The following LHFPL4 variants were observed in gnomAD, a reference collection of about 807,000 sequenced individuals.
LHFPL4 encodes LHFPL tetraspan subfamily member 4, also known as LHFPL tetraspan subfamily member 4 protein.
Under a neutral mutation model 20.0 loss-of-function variants are expected in LHFPL4, and 6 were observed. That is an observed-to-expected ratio of 0.30 (90% CI 0.16 to 0.59). LHFPL4 has a LOEUF of 0.59. LHFPL4 is among the 20% of genes least tolerant of loss of function. The probability of loss-of-function intolerance (pLI) is 0.88; values close to 1 mark genes in which losing one functional copy is unlikely to be tolerated. For missense variants in LHFPL4, 215 were observed against 331.2 expected (o/e 0.65, Z 2.72); for synonymous variants, 129 against 143.8 (o/e 0.90, Z 0.74).
At chr3:9,522,956 G>C (rs1261093741) in intron 2 of LHFPL4, among the ~76,000 whole-genome samples, 5 of 149,600 alleles carry the variant, frequency 3.3e-5, no homozygotes, top group Admixed American at 2.0e-4. Context: ...CAGGAGAATG[G>C]TGTGAACCAG....
rs530804164 is a variant in LHFPL4, at chr3:9,525,158, T to C, written c.407-18955A>G. ...TGGCATACATCAGAATTGTTCCTTT[T>C]TCCCTGCTCTTGCCAGAACCATGAG... On this transcript the variant is annotated intron_variant, in intron 2 of 3. Coordinates refer to ENST00000287585, the MANE Select transcript of LHFPL4 (RefSeq NM_198560.3). Among the ~76,000 whole-genome samples, 9 of 152,194 alleles carry C rather than the reference T, an allele frequency of 5.9e-5. No homozygotes were observed. The South Asian group carries it at 1.0e-3, about 17-fold the overall frequency.
At position 9,526,555 on chromosome 3, in the gene LHFPL4, T is replaced by C. The variant is rs530563569; in HGVS notation, c.407-20352A>G. The stretch of plus-strand genomic sequence containing the variant: ...CTTCAAGCATCTCTTAAAATGATGG[T>C]GAATGTAATGAGTTTAATTGCGTTC... On this transcript the variant is annotated intron_variant, in intron 2 of 3. Transcript: ENST00000287585. Among the ~76,000 whole-genome samples, 14 of 152,270 alleles carry C rather than the reference T, an allele frequency of 9.2e-5. No homozygotes were observed. The South Asian group carries it at 2.1e-3, about 23-fold the overall frequency.
At chr3:9,522,753 A>AT (rs963575968) in intron 2 of LHFPL4, among the ~76,000 whole-genome samples, 1 of 151,354 alleles carries the variant, frequency 6.6e-6, no homozygotes, top group African/African-American at 2.4e-5. Context: ...CAAAAAAAAA[A>AT]GAAAAAGGCC....
At chr3:9,527,134 A>G (rs1167627499) in intron 2 of LHFPL4, among the ~76,000 whole-genome samples, 1 of 152,024 alleles carries the variant, frequency 6.6e-6, no homozygotes, top group East Asian at 1.9e-4. Flanking sequence ...GTAAATGTGC[A>G]GAAAAAGATC....
At chr3:9,522,700 G>A (rs1427232377) in intron 2 of LHFPL4, among the ~76,000 whole-genome samples, 4 of 151,060 alleles carry the variant, frequency 2.6e-5, no homozygotes, top group Non-Finnish European at 5.9e-5. Flanking sequence ...CCGAGATTGT[G>A]CCATTGCACT....
intron 2 of LHFPL4, among the ~76,000 whole-genome samples, chr3:9,518,486 A>AC (rs1161517749): frequency 3.9e-5 from 6 of 152,126 alleles, no homozygotes; most frequent in Non-Finnish European, 8.8e-5. Context: ...GAATTCTTGT[A>AC]ATTTCTTCCT....
At chr3:9,526,499 G>A (rs991316737) in intron 2 of LHFPL4, among the ~76,000 whole-genome samples, 2 of 152,178 alleles carry the variant, frequency 1.3e-5, no homozygotes, top group Admixed American at 6.5e-5. Flanking sequence ...GTAGTCGGCT[G>A]TGGTCTAACA....
intron 2 of LHFPL4, among the ~76,000 whole-genome samples, chr3:9,541,540 G>A (rs1426465700): frequency 2.0e-5 from 3 of 152,142 alleles, no homozygotes; most frequent in Non-Finnish European, 4.4e-5. Flanking sequence ...GGGAGGCCAA[G>A]GCGGGTGGAT....
chr3:9,539,389 A>G (rs1415863420), intron 2 of LHFPL4, among the ~76,000 whole-genome samples: 1 of 147,724 alleles, frequency 6.8e-6, no homozygotes, highest in African/African-American at 2.5e-5. Context: ...CAGGAGGTGG[A>G]GCTTGCAATG....
At chr3:9,539,618 T>TGA (rs5846641) in intron 2 of LHFPL4, among the ~76,000 whole-genome samples, 1 of 151,760 alleles carries the variant, frequency 6.6e-6, no homozygotes, top group Admixed American at 6.6e-5. Flanking sequence ...AAGAGGGAAT[T>TGA]TGCTTATAGT....
chr3:9,523,988 C>A (rs138404062), intron 2 of LHFPL4, among the ~76,000 whole-genome samples: 15 of 139,538 alleles, frequency 1.1e-4, no homozygotes, highest in African/African-American at 3.7e-4. Flanking sequence ...GTATTTCCCC[C>A]CCCCCCAACA....
chr3:9,524,158 T>C (rs1182177170), intron 2 of LHFPL4, among the ~76,000 whole-genome samples: 1 of 152,112 alleles, frequency 6.6e-6, no homozygotes, highest in Non-Finnish European at 1.5e-5. Flanking sequence ...TTTTTCATTA[T>C]GCTTGATTTT....
intron 2 of LHFPL4, among the ~76,000 whole-genome samples, chr3:9,509,684 G>C (rs1280688911): frequency 1.3e-5 from 2 of 152,262 alleles, no homozygotes; most frequent in African/African-American, 4.8e-5. Flanking sequence ...CAGGGTTTCA[G>C]ATGGTGGCTG....
At chr3:9,522,466 G>T (rs2454463) in intron 2 of LHFPL4, among the ~76,000 whole-genome samples, 1 of 151,562 alleles carries the variant, frequency 6.6e-6, no homozygotes, top group Non-Finnish European at 1.5e-5. Flanking sequence ...TTGGCTGGGC[G>T]TGGTGGCTCA....
chr3:9,508,262 C>G (rs561833509), intron 2 of LHFPL4, among the ~76,000 whole-genome samples: 1 of 152,170 alleles, frequency 6.6e-6, no homozygotes, highest in Non-Finnish European at 1.5e-5. Context: ...AGTCCTCCTC[C>G]TCTCCCCAAC....
chr3:9,532,408 A>G (rs1299481949), intron 2 of LHFPL4, among the ~76,000 whole-genome samples: 3 of 151,986 alleles, frequency 2.0e-5, no homozygotes, highest in African/African-American at 4.8e-5. Context: ...TGGTGTGATC[A>G]TAGCTCACTG....
rs574431292 is a variant in LHFPL4 at position 9,516,781 on chromosome 3, CTTTT to C, written c.407-10582_407-10579del. 7.1e-3 allele frequency among the ~76,000 whole-genome samples: 796 copies of C among 111,844 alleles called. 10 individuals are homozygous for C. The highest frequency in any genetic ancestry group is 0.07 in the South Asian group (232 of 3,316). The allele number at this position is 111,844 out of a possible 152,430, so 73.4% of individuals were successfully genotyped here. On this transcript the variant is annotated intron_variant, in intron 2 of 3. Transcript: ENST00000287585. ...GAGCCATTGCGCCCAGCCACACAATCTTTTTTTTTTTTTTTTTTTTTGAGATGGG... is the reference window on the plus strand; with the variant it reads ...GAGCCATTGCGCCCAGCCACACAATCTTTTTTTTTTTTTTTTTGAGATGGG...
chr3:9,525,648 A>C (rs2046369561), intron 2 of LHFPL4, among the ~76,000 whole-genome samples: 1 of 152,224 alleles, frequency 6.6e-6, no homozygotes, highest in Admixed American at 6.5e-5. Context: ...AATGCATTGC[A>C]ACAATGAGAA....
rs771341752 is a variant in LHFPL4, at chr3:9,552,478, T to C, written c.202A>G (p.Ser68Gly). The change falls in exon 2 of 4, where the codon AGC becomes GGC. Residue 68 changes from serine to glycine, a missense_variant. This residue lies in a region of LHFPL4 where 164 missense variants were observed against 286.7 expected (regional missense o/e 0.57). Transcript: ENST00000287585. ...YFGLFHYCVG[S>G]GLAGRELTCR... ...GTGAGCTCGCGGCCCGCCAGCCCGC[T>C]GCCCACGCAGTAGTGGAAGAGGCCG... 4 of 1,613,172 alleles carry C rather than the reference T, an allele frequency of 2.5e-6. No homozygotes were observed. Among genetic ancestry groups the C allele is most frequent in the Middle Eastern group, 1.7e-4 (1 of 6,058 alleles).
Sources: allele counts gnomAD v4.1 joint callset (sites outside exome capture counted in the v4.1 genomes callset), GRCh38; gene constraint gnomAD v4.1.1; regional missense constraint gnomAD v4.1.1; transcripts MANE v1.5; gene names NCBI Gene and HGNC (gene_info 2026-07-23, HGNC 2026-07-21).